Variants in HS3ST5 observed in about 807,000 individuals in gnomAD.
HS3ST5 encodes heparan sulfate-glucosamine 3-sulfotransferase 5.
HS3ST5 carries 10 observed loss-of-function variants against 25.4 expected under a neutral mutation model. That is an observed-to-expected ratio of 0.39 (90% CI 0.24 to 0.67). The LOEUF (loss-of-function observed/expected upper bound fraction) is 0.67, where lower values mean the gene tolerates loss of function less well. Ranked by LOEUF, HS3ST5 falls within the 30% of genes least tolerant of loss-of-function variation. The probability of loss-of-function intolerance (pLI) is 0.44; values close to 1 mark genes in which losing one functional copy is unlikely to be tolerated. For missense variants in HS3ST5, 324 were observed against 420.7 expected (o/e 0.77, Z 2.01); for synonymous variants, 170 against 162.4 (o/e 1.05, Z -0.36).
intron 3 of HS3ST5, among the ~76,000 whole-genome samples, chr6:114,094,708 GT>G (rs1775326859): frequency 6.6e-6 from 1 of 152,126 alleles, no homozygotes; most frequent in African/African-American, 2.4e-5. Flanking sequence ...GATAGACAGG[GT>G]GGCTGTCATG....
chr6:114,141,573 G>T (rs1343941321), intron 3 of HS3ST5, among the ~76,000 whole-genome samples: 1 of 152,124 alleles, frequency 6.6e-6, no homozygotes, highest in African/African-American at 2.4e-5. Context: ...GCATTTCCCT[G>T]GTTGTTCTTT....
At chr6:114,313,542 G>T (rs1046429065) in intron 1 of HS3ST5, among the ~76,000 whole-genome samples, 7 of 152,168 alleles carry the variant, frequency 4.6e-5, no homozygotes, top group African/African-American at 1.4e-4. Context: ...CAATGAGCTG[G>T]CTGGATTTAA....
intron 1 of HS3ST5, among the ~76,000 whole-genome samples, chr6:114,277,445 G>T: frequency 7.1e-6 from 1 of 141,652 alleles, no homozygotes; most frequent in South Asian, 2.6e-4. Flanking sequence ...GGCAAAAACC[G>T]CAATTACTTT....
chr6:114,255,934 T>C (rs1453161005), intron 1 of HS3ST5, among the ~76,000 whole-genome samples: 1 of 152,178 alleles, frequency 6.6e-6, no homozygotes, highest in Non-Finnish European at 1.5e-5. Flanking sequence ...GTGATTAACA[T>C]TTGACTCCTC....
intron 1 of HS3ST5, among the ~76,000 whole-genome samples, chr6:114,297,396 C>G (rs1008705347): frequency 6.6e-5 from 10 of 152,066 alleles, no homozygotes; most frequent in African/African-American, 2.4e-4. Context: ...CCCAGCCAAG[C>G]GGTGTCCTGA....
At chr6:114,234,907 G>T (rs1389058478) in intron 1 of HS3ST5, among the ~76,000 whole-genome samples, 3 of 152,176 alleles carry the variant, frequency 2.0e-5, no homozygotes, top group African/African-American at 7.2e-5. Context: ...CAGATCACCT[G>T]AGGTCAGGAA....
chr6:114,190,087 T>C (rs577255015), intron 2 of HS3ST5, among the ~76,000 whole-genome samples: 1 of 152,314 alleles, frequency 6.6e-6, no homozygotes, highest in African/African-American at 2.4e-5. Flanking sequence ...AAATGCACTA[T>C]TTTCAGTTTG....
intron 1 of HS3ST5, among the ~76,000 whole-genome samples, chr6:114,248,780 A>C (rs1315383396): frequency 1.3e-5 from 2 of 152,240 alleles, no homozygotes; most frequent in East Asian, 3.8e-4. Context: ...AGGAAAATAA[A>C]AGTTACAATA....
chr6:114,262,136 G>T (rs1239774973), intron 1 of HS3ST5, among the ~76,000 whole-genome samples: 3 of 152,180 alleles, frequency 2.0e-5, no homozygotes, highest in African/African-American at 7.2e-5. Flanking sequence ...TGAGGCCACA[G>T]ATCACCTAAA....
chr6:114,280,845 A>C (rs1031664273), intron 1 of HS3ST5, among the ~76,000 whole-genome samples: 6 of 151,994 alleles, frequency 3.9e-5, no homozygotes, highest in African/African-American at 1.4e-4. Context: ...ATAAATAAGT[A>C]ATAAATTCAT....
intron 3 of HS3ST5, among the ~76,000 whole-genome samples, chr6:114,107,745 G>A (rs1776063980): frequency 6.6e-6 from 1 of 152,164 alleles, no homozygotes; most frequent in Admixed American, 6.5e-5. Context: ...TGTCATTGCA[G>A]TAACATAAAT....
rs1776615920 is a variant in HS3ST5, at chr6:114,118,062, G to T, written c.-33+50289C>A. ...AAGTGATTTGCCTCACATCATAAAGGGAATTAATGCCGACACCAACATTCA... is the reference window on the plus strand; with the variant it reads ...AAGTGATTTGCCTCACATCATAAAGTGAATTAATGCCGACACCAACATTCA... On this transcript the variant is annotated intron_variant, in intron 3 of 4. Transcript: ENST00000312719. 2.0e-5 allele frequency among the ~76,000 whole-genome samples: 3 copies of T among 152,100 alleles called. 1 individual carries two copies. The South Asian group carries it at 6.2e-4, about 32-fold the overall frequency.
chr6:114,109,624 G>A (rs1351110287), intron 3 of HS3ST5, among the ~76,000 whole-genome samples: 2 of 152,108 alleles, frequency 1.3e-5, no homozygotes, highest in African/African-American at 4.8e-5. Flanking sequence ...GGATATCCCT[G>A]GACCCTCATC....
chr6:114,068,760 A>AT (rs1272460462), intron 3 of HS3ST5, among the ~76,000 whole-genome samples: 5 of 152,200 alleles, frequency 3.3e-5, no homozygotes, highest in Non-Finnish European at 7.3e-5. Flanking sequence ...TTCTTTTTAT[A>AT]TAAAAAATGC....
chr6:114,320,535 C>G (rs1337342198), intron 1 of HS3ST5, among the ~76,000 whole-genome samples: 1 of 152,096 alleles, frequency 6.6e-6, no homozygotes, highest in Non-Finnish European at 1.5e-5. Flanking sequence ...CTTGTGATCT[C>G]TCTATTCCTA....
At chr6:114,104,745 T>G (rs2114831525) in intron 3 of HS3ST5, among the ~76,000 whole-genome samples, 1 of 152,306 alleles carries the variant, frequency 6.6e-6, no homozygotes, top group South Asian at 2.1e-4. Flanking sequence ...AGGAGAATAC[T>G]TTTGGTTCAA....
chr6:114,166,708 G>C (rs1012549956), intron 3 of HS3ST5, among the ~76,000 whole-genome samples: 1 of 152,040 alleles, frequency 6.6e-6, no homozygotes, highest in African/African-American at 2.4e-5. Flanking sequence ...TTCCATTACT[G>C]AGTCACCTAG....
At chr6:114,258,506 A>G (rs1773030615) in intron 1 of HS3ST5, among the ~76,000 whole-genome samples, 1 of 152,172 alleles carries the variant, frequency 6.6e-6, no homozygotes, top group African/African-American at 2.4e-5. Flanking sequence ...AGACCCAAGG[A>G]AGGCAAAGAA....
intron 3 of HS3ST5, among the ~76,000 whole-genome samples, chr6:114,152,429 A>C (rs978954396): frequency 6.6e-6 from 1 of 152,108 alleles, no homozygotes; most frequent in Non-Finnish European, 1.5e-5. Context: ...TTCACTCCAG[A>C]AATTTAAGCT....
Sources: allele counts gnomAD v4.1 joint callset (sites outside exome capture counted in the v4.1 genomes callset), GRCh38; gene constraint gnomAD v4.1.1; transcripts MANE v1.5; gene names NCBI Gene and HGNC (gene_info 2026-07-23, HGNC 2026-07-21).